Variants in ZNF268 observed in about 807,000 individuals in gnomAD.
ZNF268 encodes the protein zinc finger protein 268, also known as zinc finger protein 3.
In ZNF268, 20 loss-of-function variants were observed where a neutral mutation model predicts 29.3. The observed-to-expected ratio is 0.68, with a 90% confidence interval of 0.48 to 0.99. The LOEUF is 0.99. Ranked by LOEUF, ZNF268 falls within the 50% of genes least tolerant of loss-of-function variation. The pLI, the probability that ZNF268 is intolerant of heterozygous loss-of-function variation, is 0.00. For missense variants in ZNF268, 1,240 were observed against 1,121.6 expected (o/e 1.11, Z -1.51); for synonymous variants, 429 against 376.9 (o/e 1.14, Z -1.60).
rs143186302 is a variant in ZNF268, at chr12:133,206,620, A to G, written c.*2090A>G. ...AGGAATATGCGGATTCAATACTGCAAATATTTCTGAAACACCTTCTGCTTT... is the reference window on the plus strand; with the variant it reads ...AGGAATATGCGGATTCAATACTGCAGATATTTCTGAAACACCTTCTGCTTT... On this transcript the variant is annotated 3_prime_UTR_variant, in exon 6 of 6. Coordinates refer to ENST00000536435, the MANE Select transcript of ZNF268 (RefSeq NM_003415.3). The G allele has an allele frequency of 6.6e-5, 10 of 152,286 alleles. No homozygotes were observed. The highest frequency in any genetic ancestry group is 3.4e-3 in the Middle Eastern group (1 of 294). 9.4% of individuals were successfully genotyped at this position (152,286 alleles called of 1,614,324 possible).
In ZNF268 at chr12:133,202,141, T is replaced by G. The variant is rs1956766187; in HGVS notation, c.458-3T>G. 1 of 1,569,650 alleles carries G rather than the reference T, an allele frequency of 6.4e-7. No homozygotes were observed. The highest frequency in any genetic ancestry group is 8.6e-7 in the Non-Finnish European group (1 of 1,159,112). ...ACATGTGACCAATTGTTCTCATTTC[T>G]AGACACAGTCTGGAAAATTGATGAT... On this transcript the variant is annotated splice_polypyrimidine_tract_variant and splice_region_variant and intron_variant, in intron 5 of 5. Transcript: ENST00000536435.
Position 133,204,553 on chromosome 12 carries a change from G to C in ZNF268, c.*23G>C. On this transcript the variant is annotated 3_prime_UTR_variant, in exon 6 of 6. Coordinates refer to ENST00000536435, the MANE Select transcript of ZNF268 (RefSeq NM_003415.3). ...TGATAATTTTACGAAACTCTGAAAA[G>C]TGGATTCACAAGAGATAGAAACAAT... The C allele has an allele frequency of 6.9e-7, 1 of 1,454,144 alleles. No homozygotes were observed. Among genetic ancestry groups the C allele is most frequent in the Non-Finnish European group, 9.1e-7 (1 of 1,101,296 alleles). 90.1% of individuals were successfully genotyped at this position (1,454,144 alleles called of 1,614,324 possible).
Position 133,212,471 on chromosome 12 carries a change from ATATATATATATATATATATATATATATG to A in ZNF268, c.*7950_*7977del, listed in dbSNP as rs1320493862. 0.16 allele frequency: 2,050 copies of A among 12,922 alleles called. 101 individuals are homozygous for A. Among genetic ancestry groups the A allele is most frequent in the African/African-American group, 0.37 (1,913 of 5,188 alleles). The allele number at this position is 12,922 out of a possible 1,614,324, so 0.8% of individuals were successfully genotyped here. On this transcript the variant is annotated 3_prime_UTR_variant, in exon 6 of 6. Coordinates refer to ENST00000536435, the MANE Select transcript of ZNF268 (RefSeq NM_003415.3). The stretch of plus-strand genomic sequence containing the variant: ...TATATATATATATATATATATATAT[ATATATATATATATATATATATATATATG>A]TATATATACACACACACATACACAC...
At chr12:133,199,478 G>C (rs1366481587) in intron 5 of ZNF268, among the ~76,000 whole-genome samples, 1 of 151,620 alleles carries the variant, frequency 6.6e-6, no homozygotes, top group Non-Finnish European at 1.5e-5. Flanking sequence ...GTTCATCAAG[G>C]ATATTGGTCT....
chr12:133,189,687 C>T (rs1052549086), intron 3 of ZNF268, among the ~76,000 whole-genome samples: 18 of 152,294 alleles, frequency 1.2e-4, no homozygotes, highest in Admixed American at 9.2e-4. Flanking sequence ...TTCATCTTTT[C>T]GTTGGCATCC....
rs1956840496 is a variant in ZNF268 at position 133,204,203 on chromosome 12, T to C, written c.2517T>C (p.Ser839=). The change falls in exon 6 of 6, where the codon AGT becomes AGC. Residue 839 remains serine, a synonymous_variant. Coordinates refer to ENST00000536435, the MANE Select transcript of ZNF268 (RefSeq NM_003415.3). ...THAGVNPYKC[S]QCEKSFSGKL... is the part of the protein sequence containing the mutation. ...CAGGGGTCAACCCTTATAAATGCAG[T>C]CAATGTGAGAAATCCTTCAGTGGGA... 1.3e-6 allele frequency: 2 copies of C among 1,540,560 alleles called. No individual in the cohort carries two copies. The highest frequency in any genetic ancestry group is 2.4e-5 in the South Asian group (2 of 84,140).
chr12:133,193,636 TC>T, intron 5 of ZNF268: 2 of 476,024 alleles, frequency 4.2e-6, no homozygotes, highest in Non-Finnish European at 7.5e-6. Context: ...CACAACTTAA[TC>T]TTCTCTTAAT....
rs1342447784 is a variant in ZNF268, at chr12:133,211,121, T to TA, written c.*6592dup. ...GACAAAAGTCAAGTGATTTCCTATA[T>TA]ATTTGAAATAATGTATAGCAATAAT... On this transcript the variant is annotated 3_prime_UTR_variant, in exon 6 of 6. Coordinates refer to ENST00000536435, the MANE Select transcript of ZNF268 (RefSeq NM_003415.3). 3.1e-5 allele frequency: 13 copies of TA among 420,284 alleles called. No individual in the cohort carries two copies. Among genetic ancestry groups the TA allele is most frequent in the Non-Finnish European group, 5.3e-5 (11 of 205,682 alleles). The allele number at this position is 420,284 out of a possible 1,614,324, so 26.0% of individuals were successfully genotyped here.
chr12:133,210,087 A>C lies in ZNF268; in HGVS notation c.*5557A>C, dbSNP rs1179729498. 6.6e-6 allele frequency: 1 copy of C among 152,270 alleles called. No individual in the cohort carries two copies. The highest frequency in any genetic ancestry group is 1.5e-5 in the Non-Finnish European group (1 of 68,060). 9.4% of individuals were successfully genotyped at this position (152,270 alleles called of 1,614,324 possible). A position where few individuals can be genotyped will look rare whatever the true frequency, so the allele number is the denominator to read the frequency against. On this transcript the variant is annotated 3_prime_UTR_variant, in exon 6 of 6. Coordinates refer to ENST00000536435, the MANE Select transcript of ZNF268 (RefSeq NM_003415.3). The stretch of plus-strand genomic sequence containing the variant: ...ATCTTGTTCAGATATTACAGGGCAA[A>C]GTGAAACAGCAAAGCTCCCTCCTCA...
At chr12:133,196,023 TAAAA>T (rs760775058) in intron 5 of ZNF268, among the ~76,000 whole-genome samples, 7 of 120,376 alleles carry the variant, frequency 5.8e-5, no homozygotes, top group Non-Finnish European at 1.0e-4. Context: ...CCTGTCTCTT[TAAAA>T]AAAAAAAAAA....
chr12:133,201,950 G>C (rs556545876), intron 5 of ZNF268, among the ~76,000 whole-genome samples, 194 bp from the exon 6 acceptor site: 3 of 152,034 alleles, frequency 2.0e-5, no homozygotes, highest in African/African-American at 7.2e-5. Context: ...TTTTATACCT[G>C]AGAATTTATT....
At position 133,202,127 on chromosome 12, in the gene ZNF268, ATTG is replaced by A. The variant is rs1593921375; in HGVS notation, c.458-14_458-12del. The A allele has an allele frequency of 1.9e-6, 3 of 1,543,698 alleles. No homozygotes were observed. The highest frequency in any genetic ancestry group is 1.4e-5 in the African/African-American group (1 of 72,318). ...TCATGTGATTTATAACATGTGACCAATTGTTCTCATTTCTAGACACAGTCTGGA... is the reference window on the plus strand; with the variant it reads ...TCATGTGATTTATAACATGTGACCAATTCTCATTTCTAGACACAGTCTGGA... On this transcript the variant is annotated splice_polypyrimidine_tract_variant and intron_variant, in intron 5 of 5. Coordinates refer to ENST00000536435, the MANE Select transcript of ZNF268 (RefSeq NM_003415.3).
At position 133,202,903 on chromosome 12, in the gene ZNF268, A is replaced by C. The variant is rs562814801; in HGVS notation, c.1217A>C (p.His406Pro). ...AFGLKSQLII[H>P]ERIHTGEKPY... is the part of the protein sequence containing the mutation. ...GGTTTAAAATCACAGCTCATTATAC[A>C]TGAAAGAATTCATACAGGAGAGAAA... The change falls in exon 6 of 6, where the codon CAT (histidine) becomes CCT (proline). Residue 406 changes from histidine (H) to proline (P), a missense_variant. Around this residue, in one of 3 missense-constraint regions of ZNF268, gnomAD observed 1,177 missense variants for 1,039.6 expected, o/e 1.13. Coordinates refer to ENST00000536435, the MANE Select transcript of ZNF268 (RefSeq NM_003415.3). 3 of 1,549,574 alleles carry C rather than the reference A, an allele frequency of 1.9e-6. No homozygotes were observed. The Admixed American group carries it at 5.8e-5, about 30-fold the overall frequency.
chr12:133,200,026 C>T (rs1237635477), intron 5 of ZNF268, among the ~76,000 whole-genome samples: 2 of 152,086 alleles, frequency 1.3e-5, no homozygotes, highest in Non-Finnish European at 2.9e-5. Context: ...TCTCTATTTC[C>T]TTCAGTTCTC....
In ZNF268 at chr12:133,211,304, A is replaced by G. The variant is rs902299522; in HGVS notation, c.*6774A>G. Reference sequence around the variant, plus strand: ...TTCCAAAGATATACAGATGGTGGCCAGGCACGGTGGCTCACGCCTGTAATC... The same window carrying G: ...TTCCAAAGATATACAGATGGTGGCCGGGCACGGTGGCTCACGCCTGTAATC... On this transcript the variant is annotated 3_prime_UTR_variant, in exon 6 of 6. Coordinates refer to ENST00000536435, the MANE Select transcript of ZNF268 (RefSeq NM_003415.3). 1.5e-5 allele frequency: 5 copies of G among 342,486 alleles called. No homozygotes were observed. Among genetic ancestry groups the G allele is most frequent in the East Asian group, 1.6e-4 (2 of 12,832 alleles). 21.2% of individuals were successfully genotyped at this position (342,486 alleles called of 1,614,324 possible).
chr12:133,187,109 A>G (rs1054816437), intron 2 of ZNF268, among the ~76,000 whole-genome samples: 7 of 152,130 alleles, frequency 4.6e-5, no homozygotes, highest in Non-Finnish European at 8.8e-5. Context: ...TGGGTTATAA[A>G]AATGCCTTGG....
chr12:133,194,133 C>T (rs923986173), intron 5 of ZNF268, among the ~76,000 whole-genome samples: 3 of 152,136 alleles, frequency 2.0e-5, no homozygotes, highest in Admixed American at 6.6e-5. Context: ...TAAATTTATT[C>T]ATTGTACTCT....
chr12:133,203,288 G>C lies in ZNF268; in HGVS notation c.1602G>C (p.Gly534=). ...GEKLHECNNC[G]KAFSFKSQLI... ...AACTCCATGAATGCAACAATTGTGG[G>C]AAAGCCTTCAGTTTTAAATCACAGC... is the stretch of plus-strand genomic sequence containing the variant. The change falls in exon 6 of 6, where the codon GGG becomes GGC. Residue 534 remains glycine (G), a synonymous_variant. Coordinates refer to ENST00000536435, the MANE Select transcript of ZNF268 (RefSeq NM_003415.3). 1 of 1,539,800 alleles carries C rather than the reference G, an allele frequency of 6.5e-7. No homozygotes were observed. Among genetic ancestry groups the C allele is most frequent in the Non-Finnish European group, 8.7e-7 (1 of 1,147,390 alleles).
chr12:133,201,370 C>G (rs11147300), intron 5 of ZNF268, among the ~76,000 whole-genome samples: 52,305 of 151,768 alleles, frequency 0.34, 9,443 homozygotes, highest in African/African-American at 0.41. Context: ...TCTATATCCT[C>G]TGTCATTTCT....
Sources: gnomAD v4.1 joint callset for allele counts (sites outside exome capture counted in the v4.1 genomes callset) on GRCh38, gnomAD v4.1.1 for gene constraint, gnomAD v4.1.1 regional missense constraint, MANE v1.5 for transcripts, NCBI Gene and HGNC (gene_info 2026-07-23, HGNC 2026-07-21) for gene names.